Variants in KLF12 observed in about 807,000 individuals in gnomAD.
KLF12 encodes the protein KLF transcription factor 12, also known as Krueppel-like factor 12.
A neutral mutation model predicts 37.8 loss-of-function variants in KLF12; 9 were observed. That is an observed-to-expected ratio of 0.24 (90% CI 0.14 to 0.42). KLF12 has a LOEUF of 0.42. KLF12 is among the 10% of genes least tolerant of loss of function. KLF12 has a pLI of 1.00. For synonymous variants in KLF12, 208 were observed against 202.1 expected (o/e 1.03, Z -0.25); for missense variants, 411 against 516.0 (o/e 0.80, Z 1.97).
intron 6 of KLF12, among the ~76,000 whole-genome samples, chr13:73,743,271 A>T (rs892662993): frequency 3.3e-5 from 5 of 152,176 alleles, no homozygotes; most frequent in Admixed American, 2.6e-4. Flanking sequence ...GGGAGTGAGG[A>T]GTTAGGCATA....
intron 3 of KLF12, among the ~76,000 whole-genome samples, chr13:73,914,130 A>G (rs1392956614): frequency 1.3e-5 from 2 of 151,958 alleles, no homozygotes; most frequent in Non-Finnish European, 2.9e-5. Context: ...ACCCCAAACC[A>G]CTTTGCTCTG....
intron 1 of KLF12, among the ~76,000 whole-genome samples, chr13:74,088,154 A>G (rs1452328539): frequency 1.3e-5 from 2 of 152,176 alleles, no homozygotes; most frequent in Admixed American, 6.5e-5. Flanking sequence ...CCAAAGACAA[A>G]GCAATTCTTA....
At chr13:74,060,197 C>T (rs1391832895) in intron 1 of KLF12, among the ~76,000 whole-genome samples, 1 of 152,002 alleles carries the variant, frequency 6.6e-6, no homozygotes, top group African/African-American at 2.4e-5. Context: ...TAACATGATG[C>T]CTCTAGCTTT....
chr13:73,923,816 T>G lies in KLF12; in HGVS notation c.123+20165A>C, dbSNP rs146394415. Among the ~76,000 whole-genome samples, 263 of 152,288 alleles carry G rather than the reference T, an allele frequency of 1.7e-3. 1 individual carries two copies. The highest frequency in any genetic ancestry group is 5.9e-3 in the African/African-American group (244 of 41,552). On this transcript the variant is annotated intron_variant, in intron 3 of 7. Transcript: ENST00000377669. ...GGGAACCCAGGATATTTTACAGTCA[T>G]AGTCTGCAGACTACACTTTGAAGAT...
chr13:74,083,952 A>C (rs1235786750), intron 1 of KLF12, among the ~76,000 whole-genome samples: 1 of 152,216 alleles, frequency 6.6e-6, no homozygotes, highest in Non-Finnish European at 1.5e-5. Flanking sequence ...ATTAGAAGAG[A>C]GAATACAGTG....
the KLF12 span, among the ~76,000 whole-genome samples, chr13:74,201,988 A>G: frequency 6.6e-6 from 1 of 152,158 alleles, no homozygotes; most frequent in South Asian, 2.1e-4. Flanking sequence ...ACTGCAAACC[A>G]TCTAATCCTA....
At chr13:74,033,730 T>G (rs1357778726) in intron 1 of KLF12, among the ~76,000 whole-genome samples, 1 of 152,228 alleles carries the variant, frequency 6.6e-6, no homozygotes, top group African/African-American at 2.4e-5. Context: ...TTAATTATAA[T>G]AATCTGATGA....
intron 6 of KLF12, among the ~76,000 whole-genome samples, chr13:73,746,360 T>A (rs1476546332): frequency 6.6e-6 from 1 of 152,194 alleles, no homozygotes; most frequent in Non-Finnish European, 1.5e-5. Context: ...GACCAACCTG[T>A]GACAAAGAGG....
At chr13:73,698,285 G>A (rs904915468) in intron 7 of KLF12, among the ~76,000 whole-genome samples, 4 of 152,086 alleles carry the variant, frequency 2.6e-5, no homozygotes, top group South Asian at 2.1e-4. Context: ...GAAGGAAGGG[G>A]TTCCATAACA....
chr13:74,270,788 G>T, the KLF12 span, among the ~76,000 whole-genome samples: 1 of 152,168 alleles, frequency 6.6e-6, no homozygotes, highest in Non-Finnish European at 1.5e-5. Context: ...GAAGTCAGGG[G>T]AGTGTCATGG....
At chr13:73,795,001 G>A (rs1881883814) in intron 5 of KLF12, among the ~76,000 whole-genome samples, 1 of 152,130 alleles carries the variant, frequency 6.6e-6, no homozygotes, top group South Asian at 2.1e-4. Context: ...ATAGAGCCAG[G>A]TTATTACTGT....
chr13:74,046,586 G>T (rs1893552854), intron 1 of KLF12, among the ~76,000 whole-genome samples: 2 of 152,060 alleles, frequency 1.3e-5, no homozygotes, highest in Non-Finnish European at 2.9e-5. Context: ...TATGTCACTG[G>T]GTGGGACCCT....
chr13:74,147,601 C>T, the KLF12 span, among the ~76,000 whole-genome samples: 3 of 152,162 alleles, frequency 2.0e-5, no homozygotes, highest in African/African-American at 2.4e-5. Flanking sequence ...TTGGGACTTA[C>T]GTACCGCCCA....
chr13:73,779,264 T>C (rs1287218463), intron 5 of KLF12, among the ~76,000 whole-genome samples: 1 of 152,152 alleles, frequency 6.6e-6, no homozygotes, highest in Non-Finnish European at 1.5e-5. Flanking sequence ...TTTCAGGTTT[T>C]TAGCTCCTCA....
chr13:74,262,649 A>G, the KLF12 span, among the ~76,000 whole-genome samples: 405 of 152,266 alleles, frequency 2.7e-3, no homozygotes, highest in African/African-American at 9.2e-3. Context: ...AAGACTGTAC[A>G]TGTCCACTAC....
chr13:73,785,894 G>A (rs1490289100), intron 5 of KLF12, among the ~76,000 whole-genome samples: 3 of 152,088 alleles, frequency 2.0e-5, no homozygotes, highest in Admixed American at 6.6e-5. Flanking sequence ...GGCAGATAGC[G>A]GAAGGCAGCT....
intron 5 of KLF12, among the ~76,000 whole-genome samples, chr13:73,766,814 A>C (rs1423560968): frequency 6.6e-6 from 1 of 152,226 alleles, no homozygotes; most frequent in African/African-American, 2.4e-5. Context: ...TTTATTGCAT[A>C]TATTAGTGAA....
At chr13:74,233,204 C>T in the KLF12 span, among the ~76,000 whole-genome samples, 1 of 152,128 alleles carries the variant, frequency 6.6e-6, no homozygotes, top group Non-Finnish European at 1.5e-5. Context: ...TATAAAGATA[C>T]ACTGTATACC....
At chr13:74,163,429 G>A in the KLF12 span, among the ~76,000 whole-genome samples, 1 of 152,156 alleles carries the variant, frequency 6.6e-6, no homozygotes, top group Non-Finnish European at 1.5e-5. Context: ...ATCATTTGCA[G>A]CAACATGGAT....
Sources: allele counts gnomAD v4.1 joint callset (sites outside exome capture counted in the v4.1 genomes callset), GRCh38; gene constraint gnomAD v4.1.1; transcripts MANE v1.5; gene names NCBI Gene and HGNC (gene_info 2026-07-23, HGNC 2026-07-21).